SNRPN: variants seen among roughly 807,000 people sequenced by gnomAD.
The protein encoded by SNRPN is small nuclear ribonucleoprotein-associated protein N.
In SNRPN, 7 loss-of-function variants were observed where a neutral mutation model predicts 25.2. The observed-to-expected ratio is 0.28, with a 90% CI of 0.16 to 0.52. The LOEUF is 0.52. Among genes scored for constraint, SNRPN ranks in the 20% least tolerant of loss-of-function variants. SNRPN has a pLI of 0.96. For synonymous variants in SNRPN, 124 were observed against 110.6 expected (o/e 1.12, Z -0.76); for missense variants, 196 against 322.5 (o/e 0.61, Z 3.00).
chr15:24,831,970 A>T (rs572290569), intron 2 of SNRPN, among the ~76,000 whole-genome samples: 1 of 94,442 alleles, frequency 1.1e-5, no homozygotes, highest in Non-Finnish European at 2.1e-5. Flanking sequence ...CGGATAGTCA[A>T]TGAAATCTCC....
intron 2 of SNRPN, among the ~76,000 whole-genome samples, chr15:24,963,619 A>G (rs988264671): frequency 3.4e-5 from 5 of 149,002 alleles, no homozygotes; most frequent in African/African-American, 1.2e-4. Context: ...CATCTCAGGA[A>G]AAAAAAAAAA....
chr15:24,876,509 C>T lies in SNRPN; in HGVS notation c.-578-10007C>T, dbSNP rs554856654. Among the ~76,000 whole-genome samples, 3 of 151,102 alleles carry T rather than the reference C, an allele frequency of 2.0e-5. No homozygotes were observed. The East Asian group carries it at 5.9e-4, about 30-fold the overall frequency. ...GCGTGCGCCTGTAATCCAAGCTACTCAGGAGGCCGAGGCAGGAGAATCGCT... is the reference window on the plus strand; with the variant it reads ...GCGTGCGCCTGTAATCCAAGCTACTTAGGAGGCCGAGGCAGGAGAATCGCT... On this transcript the variant is annotated intron_variant, in intron 1 of 11. Coordinates refer to the SNRPN transcript ENST00000400097.
chr15:24,937,915 A>G (rs904106612), intron 3 of SNRPN, among the ~76,000 whole-genome samples: 2 of 152,186 alleles, frequency 1.3e-5, no homozygotes, highest in African/African-American at 2.4e-5. Flanking sequence ...AGTGTTTCCA[A>G]AATTCATCCA....
intron 6 of SNRPN, 40 bp downstream of exon 6, chr15:24,976,456 G>T (rs765967734): frequency 7.6e-7 from 1 of 1,311,968 alleles, no homozygotes; most frequent in Non-Finnish European, 1.1e-6. Context: ...TTAATTTGCA[G>T]GGACATCATA....
In SNRPN at chr15:24,958,486, GTTTTTTTTTTTTTTT is replaced by G. The variant is rs71127030; in HGVS notation, c.-391+3444_-391+3458del. ...ATTTCTGGATGCTAGCTGGCTCAAA[GTTTTTTTTTTTTTTT>G]TTTTTTTTTTTTTTTTTTTAAATAG... On this transcript the variant is annotated intron_variant, in intron 1 of 9. Transcript: ENST00000390687. 2.7e-3 allele frequency among the ~76,000 whole-genome samples: 179 copies of G among 65,322 alleles called. 1 individual carries two copies. In the East Asian group the frequency reaches 0.072, roughly 26 times the overall value. The allele number at this position is 65,322 out of a possible 152,430, so 42.9% of individuals were successfully genotyped here. A position where few individuals can be genotyped will look rare whatever the true frequency, so the allele number is the denominator to read the frequency against.
intron 3 of SNRPN, among the ~76,000 whole-genome samples, chr15:24,936,114 CAA>C (rs57194066): frequency 5.8e-5 from 8 of 137,368 alleles, no homozygotes; most frequent in South Asian, 2.4e-4. Context: ...GACTCTGTCT[CAA>C]AAAAAAAAAA....
chr15:24,945,343 T>TA (rs11422448), intron 3 of SNRPN, among the ~76,000 whole-genome samples: 71,629 of 83,538 alleles, frequency 0.86, 31,060 homozygotes, highest in East Asian at 0.97. Flanking sequence ...ACCCACCATG[T>TA]AAAAAAAAAA....
At chr15:24,946,488 G>A (rs867639560) in intron 3 of SNRPN, among the ~76,000 whole-genome samples, 1 of 152,160 alleles carries the variant, frequency 6.6e-6, no homozygotes. Context: ...TTGAGACGAA[G>A]TCTTGGAATC....
At chr15:24,928,978 T>C (rs1295871516) in intron 3 of SNRPN, among the ~76,000 whole-genome samples, 1 of 152,126 alleles carries the variant, frequency 6.6e-6, no homozygotes, top group Non-Finnish European at 1.5e-5. Flanking sequence ...GTTGTATCTC[T>C]CTTGTCCCCA....
intron 2 of SNRPN, among the ~76,000 whole-genome samples, chr15:24,902,687 C>G (rs761253020): frequency 6.6e-6 from 1 of 152,148 alleles, no homozygotes; most frequent in Non-Finnish European, 1.5e-5. Context: ...CACAGACCTT[C>G]GCAGTCAGTG....
intron 1 of SNRPN, among the ~76,000 whole-genome samples, chr15:24,956,354 C>CGGG (rs10626759): frequency 0.041 from 5,664 of 137,712 alleles, 451 homozygotes; most frequent in African/African-American, 0.14. Flanking sequence ...AGCGCTTCAG[C>CGGG]GGGGGGGTGG....
chr15:24,920,091 C>T (rs547200109), exon 3 of SNRPN: 60 of 152,224 alleles, frequency 3.9e-4, no homozygotes, highest in African/African-American at 1.4e-3. Flanking sequence ...TTTTGCTGCC[C>T]CTTTTACCAG....
At chr15:24,861,077 C>G (rs977639709) in intron 1 of SNRPN, among the ~76,000 whole-genome samples, 20 of 152,128 alleles carry the variant, frequency 1.3e-4, no homozygotes, top group Non-Finnish European at 2.5e-4. Context: ...CCACTGCACT[C>G]TAGCCTGGGC....
At chr15:24,833,817 A>G (rs1274244053) in intron 2 of SNRPN, among the ~76,000 whole-genome samples, 1 of 152,140 alleles carries the variant, frequency 6.6e-6, no homozygotes, top group African/African-American at 2.4e-5. Flanking sequence ...GCTGACCTCA[A>G]AAGAACAGAC....
intron 1 of SNRPN, among the ~76,000 whole-genome samples, chr15:24,876,229 A>G (rs974408032): frequency 6.6e-5 from 10 of 152,014 alleles, no homozygotes; most frequent in African/African-American, 2.4e-4. Flanking sequence ...TCCTTTGGCC[A>G]CATAAGTATC....
At chr15:24,903,691 G>A (rs78781412) in intron 2 of SNRPN, among the ~76,000 whole-genome samples, 25 of 152,304 alleles carry the variant, frequency 1.6e-4, no homozygotes, top group African/African-American at 5.8e-4. Context: ...GCAGCTGCTA[G>A]GGATATTACT....
chr15:24,861,987 G>A (rs1174724848), intron 1 of SNRPN, among the ~76,000 whole-genome samples: 1 of 147,718 alleles, frequency 6.8e-6, no homozygotes, highest in Non-Finnish European at 1.5e-5. Flanking sequence ...TAAAAAAGAG[G>A]CTGCAGCATT....
At chr15:24,872,288 C>T (rs1425134581) in intron 1 of SNRPN, among the ~76,000 whole-genome samples, 2 of 118,002 alleles carry the variant, frequency 1.7e-5, no homozygotes, top group African/African-American at 5.8e-5. Flanking sequence ...CTGCCTCAGC[C>T]TCCCAAGAGG....
At chr15:24,867,621 G>C (rs947608651) in intron 1 of SNRPN, among the ~76,000 whole-genome samples, 1 of 152,050 alleles carries the variant, frequency 6.6e-6, no homozygotes, top group African/African-American at 2.4e-5. Context: ...TGATCCACCC[G>C]CCTCGGCCTC....
Sources: allele counts gnomAD v4.1 joint callset (sites outside exome capture counted in the v4.1 genomes callset), GRCh38; gene constraint gnomAD v4.1.1; transcripts MANE v1.5; gene names NCBI Gene and HGNC (gene_info 2026-07-23, HGNC 2026-07-21).